Variants in STPG4 observed in about 807,000 individuals in gnomAD.
STPG4 encodes sperm-tail PG-rich repeat containing 4.
In STPG4, 41 loss-of-function variants were observed where a neutral mutation model predicts 31.5. The ratio of observed to expected loss-of-function variants is 1.30; its 90% CI spans 1.01 to 1.69. The LOEUF is 1.69. STPG4 is among the 40% of genes most tolerant of loss of function. The pLI, the probability that STPG4 is intolerant of heterozygous loss-of-function variation, is 0.00. For synonymous variants in STPG4, 141 were observed against 103.0 expected, an observed-to-expected ratio of 1.37 and a Z score of -2.24; for missense variants, 375 against 293.4, an observed-to-expected ratio of 1.28 and a Z score of -2.03.
At chr2:47,140,587 C>T (rs140112385) in intron 3 of STPG4, among the ~76,000 whole-genome samples, 5 of 152,208 alleles carry the variant, frequency 3.3e-5, no homozygotes, top group African/African-American at 1.2e-4. Context: ...TCCTGGCCAT[C>T]TCTCCAATTT....
chr2:47,121,694 T>C (rs1686274305), intron 5 of STPG4, among the ~76,000 whole-genome samples: 1 of 152,220 alleles, frequency 6.6e-6, no homozygotes, highest in African/African-American at 2.4e-5. Context: ...TTCACTGGGC[T>C]AAAATTATAT....
intron 5 of STPG4, among the ~76,000 whole-genome samples, chr2:47,105,052 G>C (rs1251153880): frequency 6.6e-6 from 1 of 151,904 alleles, no homozygotes; most frequent in African/African-American, 2.4e-5. Flanking sequence ...GAGGGCAAAT[G>C]CTCATCTAGT....
intron 5 of STPG4, among the ~76,000 whole-genome samples, chr2:47,127,477 C>T (rs969252380): frequency 6.6e-6 from 1 of 151,982 alleles, no homozygotes; most frequent in African/African-American, 2.4e-5. Flanking sequence ...CCATGTTGGC[C>T]AGACTGGTCT....
chr2:47,127,740 T>G (rs1251872559), intron 5 of STPG4, among the ~76,000 whole-genome samples: 3 of 152,220 alleles, frequency 2.0e-5, no homozygotes, highest in Admixed American at 2.0e-4. Flanking sequence ...TCATTCTCTG[T>G]GTCATCTTAA....
rs752460911 is a variant in STPG4 at position 47,155,252 on chromosome 2, G to T, written c.-1C>A. The T allele has an allele frequency of 3.7e-6, 6 of 1,613,964 alleles. No individual in the cohort carries two copies. The highest frequency in any genetic ancestry group is 5.1e-6 in the Non-Finnish European group (6 of 1,179,978). On this transcript the variant is annotated 5_prime_UTR_variant, in exon 1 of 7. Coordinates refer to ENST00000445927, the MANE Select transcript of STPG4 (RefSeq NM_001163561.2). ...CGGTGGCGACGGCTGGCTGGTCCAT[G>T]GTGGCCTCCTCTCTCTCTAGGCTGA...
intron 3 of STPG4, among the ~76,000 whole-genome samples, chr2:47,147,884 T>A (rs1411097269): frequency 6.6e-6 from 1 of 152,038 alleles, no homozygotes; most frequent in African/African-American, 2.4e-5. Flanking sequence ...CAAATCTCCT[T>A]TGAAAAGGGC....
At chr2:47,089,573 C>T (rs1444326525) in intron 6 of STPG4, among the ~76,000 whole-genome samples, 1 of 152,032 alleles carries the variant, frequency 6.6e-6, no homozygotes, top group African/African-American at 2.4e-5. Context: ...AGTCTACATA[C>T]CAGCAAGTCT....
intron 5 of STPG4, among the ~76,000 whole-genome samples, chr2:47,107,271 G>A (rs1351124015): frequency 1.3e-5 from 2 of 152,246 alleles, no homozygotes; most frequent in South Asian, 4.2e-4. Context: ...CTTGCAGGGA[G>A]GTGTGGAGGG....
At chr2:47,105,078 G>C (rs1685883312) in intron 5 of STPG4, among the ~76,000 whole-genome samples, 1 of 151,884 alleles carries the variant, frequency 6.6e-6, no homozygotes, top group South Asian at 2.1e-4. Flanking sequence ...GGCAACCAGA[G>C]GCAGAAACAG....
At chr2:47,144,249 G>C (rs1271010344) in intron 3 of STPG4, among the ~76,000 whole-genome samples, 1 of 152,176 alleles carries the variant, frequency 6.6e-6, no homozygotes. Context: ...CCTTTCTCTA[G>C]GACTTTGGAC....
At chr2:47,105,709 C>T (rs1207595645) in intron 5 of STPG4, among the ~76,000 whole-genome samples, 1 of 152,012 alleles carries the variant, frequency 6.6e-6, no homozygotes, top group East Asian at 1.9e-4. Context: ...TGAAAGCAAG[C>T]CTCTTCCCCC....
chr2:47,130,009 TAAA>T lies in STPG4; in HGVS notation c.465-17_465-15del, dbSNP rs1399088010. On this transcript the variant is annotated splice_polypyrimidine_tract_variant and intron_variant, in intron 4 of 6. Coordinates refer to ENST00000445927, the MANE Select transcript of STPG4 (RefSeq NM_001163561.2). ...AATACACAGCTCCTATATTTCAAAATAAAAAAGAAAAGTGATTTTCTAAATCTA... is the reference window on the plus strand; with the variant it reads ...AATACACAGCTCCTATATTTCAAAATAAAGAAAAGTGATTTTCTAAATCTA... 2 of 1,529,254 alleles carry T rather than the reference TAAA, an allele frequency of 1.3e-6. No homozygotes were observed. Among genetic ancestry groups the T allele is most frequent in the Non-Finnish European group, 1.8e-6 (2 of 1,116,716 alleles). 94.7% of individuals were successfully genotyped at this position (1,529,254 alleles called of 1,614,324 possible). A position where few individuals can be genotyped will look rare whatever the true frequency, so the allele number is the denominator to read the frequency against.
chr2:47,152,922 T>C (rs745446170), intron 2 of STPG4, 35 bp downstream of exon 2: 1 of 1,416,736 alleles, frequency 7.1e-7, no homozygotes, highest in South Asian at 1.3e-5. Flanking sequence ...GGAATAGGAA[T>C]AATGTGAATA....
intron 5 of STPG4, among the ~76,000 whole-genome samples, chr2:47,090,950 T>C (rs926183236): frequency 1.3e-5 from 2 of 152,204 alleles, no homozygotes; most frequent in Non-Finnish European, 2.9e-5. Context: ...GAAGAGGATA[T>C]ACAAACGTTC....
intron 3 of STPG4, among the ~76,000 whole-genome samples, chr2:47,148,254 A>G (rs796992913): frequency 6.4e-4 from 98 of 152,116 alleles, no homozygotes; most frequent in African/African-American, 2.2e-3. Context: ...GCCCCTATAT[A>G]TATATGCCTA....
At chr2:47,106,880 T>C (rs781657160) in intron 5 of STPG4, among the ~76,000 whole-genome samples, 60 of 152,078 alleles carry the variant, frequency 3.9e-4, no homozygotes, top group Non-Finnish European at 7.1e-4. Flanking sequence ...AAGCTACAGA[T>C]GGTTTTACAA....
intron 6 of STPG4, 87 bp downstream of exon 6, chr2:47,090,183 C>T (rs1685540026): frequency 5.8e-6 from 5 of 855,408 alleles, no homozygotes; most frequent in East Asian, 2.7e-5. Context: ...CACCACCCCG[C>T]ACCTCCTACA....
At chr2:47,110,872 A>G (rs1327326904) in intron 5 of STPG4, among the ~76,000 whole-genome samples, 1 of 152,186 alleles carries the variant, frequency 6.6e-6, no homozygotes, top group East Asian at 1.9e-4. Context: ...TTTTGGGTGG[A>G]TACATAATAT....
intron 3 of STPG4, among the ~76,000 whole-genome samples, chr2:47,132,688 C>T (rs1686510464): frequency 6.6e-6 from 1 of 152,156 alleles, no homozygotes; most frequent in Non-Finnish European, 1.5e-5. Flanking sequence ...CCAGCAATGT[C>T]CTATTTCCTG....
Sources: allele counts gnomAD v4.1 joint callset (sites outside exome capture counted in the v4.1 genomes callset), GRCh38; gene constraint gnomAD v4.1.1; transcripts MANE v1.5; gene names NCBI Gene and HGNC (gene_info 2026-07-23, HGNC 2026-07-21).